The following OXR1 variants were observed in gnomAD, a reference collection of about 807,000 sequenced individuals.
OXR1 encodes the protein oxidation resistance protein 1.
OXR1 carries 41 observed loss-of-function variants against 104.6 expected under a neutral mutation model. The observed-to-expected ratio is 0.39, with a 90% confidence interval of 0.31 to 0.51. OXR1 has a LOEUF of 0.51. Ranked by LOEUF, OXR1 falls within the 20% of genes least tolerant of loss-of-function variation. The probability of loss-of-function intolerance (pLI) is 0.77; values close to 1 mark genes in which losing one functional copy is unlikely to be tolerated. For missense variants in OXR1, 955 were observed against 1,031.9 expected, an observed-to-expected ratio of 0.93 and a Z score of 1.02; for synonymous variants, 348 against 348.4, an observed-to-expected ratio of 1.00 and a Z score of 0.01.
intron 8 of OXR1, 41 bp from the exon 9 acceptor site, chr8:106,706,341 A>G (rs772876292): frequency 6.2e-6 from 9 of 1,443,526 alleles, no homozygotes; most frequent in African/African-American, 4.4e-5. Context: ...AAATACCACA[A>G]TTTTAAAAGT....
intron 3 of OXR1, among the ~76,000 whole-genome samples, chr8:106,649,213 AAAC>A (rs920232794): frequency 1.2e-4 from 18 of 152,162 alleles, no homozygotes; most frequent in South Asian, 8.3e-4. Flanking sequence ...TCAAACAAGA[AAAC>A]AACAACAACA....
At chr8:106,313,701 C>A (rs1352373084) in intron 1 of OXR1, among the ~76,000 whole-genome samples, 4 of 151,980 alleles carry the variant, frequency 2.6e-5, no homozygotes, top group Non-Finnish European at 5.9e-5. Flanking sequence ...TATATTATTT[C>A]TGTGGCAGGA....
chr8:106,671,716 G>C (rs1290006604), intron 3 of OXR1, among the ~76,000 whole-genome samples: 1 of 150,566 alleles, frequency 6.6e-6, no homozygotes, highest in Non-Finnish European at 1.5e-5. Flanking sequence ...ACTATCACAA[G>C]GACAGAAAAC....
At chr8:106,323,417 C>T (rs970868046) in intron 1 of OXR1, among the ~76,000 whole-genome samples, 1 of 152,112 alleles carries the variant, frequency 6.6e-6, no homozygotes, top group Non-Finnish European at 1.5e-5. Context: ...CCCTGGAAGA[C>T]AAACTAGGCA....
intron 3 of OXR1, among the ~76,000 whole-genome samples, chr8:106,587,767 G>T (rs905818118): frequency 2.6e-5 from 4 of 152,098 alleles, no homozygotes; most frequent in Admixed American, 6.5e-5. Flanking sequence ...TTTCTTAAGG[G>T]TATAGACTGG....
intron 3 of OXR1, among the ~76,000 whole-genome samples, chr8:106,635,203 C>T (rs930633370): frequency 6.6e-6 from 1 of 152,048 alleles, no homozygotes; most frequent in Non-Finnish European, 1.5e-5. Flanking sequence ...AATGAATGTC[C>T]AAATCTTTTA....
intron 1 of OXR1, among the ~76,000 whole-genome samples, chr8:106,350,615 G>T (rs940660888): frequency 6.6e-6 from 1 of 152,162 alleles, no homozygotes; most frequent in African/African-American, 2.4e-5. Flanking sequence ...TGTCTCCAAG[G>T]TTACCATCTG....
chr8:106,310,459 G>A (rs73701109), intron 1 of OXR1, among the ~76,000 whole-genome samples: 3,653 of 152,146 alleles, frequency 0.024, 54 homozygotes, highest in South Asian at 0.096. Flanking sequence ...TCCCTTCACT[G>A]TCATCCTGAC....
At chr8:106,389,990 C>T (rs753600036) in intron 2 of OXR1, among the ~76,000 whole-genome samples, 1 of 151,904 alleles carries the variant, frequency 6.6e-6, no homozygotes, top group African/African-American at 2.4e-5. Flanking sequence ...TGCTTGAACC[C>T]GGGAGGTAGA....
At chr8:106,693,370 G>A (rs563259157) in intron 7 of OXR1, among the ~76,000 whole-genome samples, 1 of 149,972 alleles carries the variant, frequency 6.7e-6, no homozygotes, top group South Asian at 2.1e-4. Context: ...CATAGGAAAG[G>A]TTAATAGGTC....
chr8:106,694,697 T>TTA (rs1829711490), intron 7 of OXR1, among the ~76,000 whole-genome samples: 1 of 109,402 alleles, frequency 9.1e-6, no homozygotes, highest in Non-Finnish European at 1.7e-5. Context: ...AAATATATGT[T>TTA]TATATATTTA....
chr8:106,587,824 G>T (rs533858638), intron 3 of OXR1, among the ~76,000 whole-genome samples: 63 of 152,276 alleles, frequency 4.1e-4, no homozygotes, highest in African/African-American at 1.5e-3. Context: ...TTGAGCTGTG[G>T]AAGAGGAAAA....
chr8:106,420,008 G>T (rs576834282), intron 2 of OXR1, among the ~76,000 whole-genome samples: 1 of 152,052 alleles, frequency 6.6e-6, no homozygotes, highest in African/African-American at 2.4e-5. Context: ...AGGAAGGAAA[G>T]CATTTTTATG....
chr8:106,515,895 A>T (rs1812826456), intron 2 of OXR1, among the ~76,000 whole-genome samples: 1 of 152,144 alleles, frequency 6.6e-6, no homozygotes, highest in Non-Finnish European at 1.5e-5. Context: ...AGCTTGCTTA[A>T]CTGTGAGATA....
chr8:106,578,983 C>CTTTTTTTTTTTTTTTTTTT (rs146593561), intron 3 of OXR1, among the ~76,000 whole-genome samples: 1 of 131,002 alleles, frequency 7.6e-6, no homozygotes, highest in Non-Finnish European at 1.6e-5. Context: ...CTCACTTTTT[C>CTTTTTTTTTTTTTTTTTTT]TTTCTTTTTT....
At chr8:106,415,579 G>GAGAGAGC (rs1554571057) in intron 2 of OXR1, among the ~76,000 whole-genome samples, 19,889 of 150,540 alleles carry the variant, frequency 0.13, 1,605 homozygotes, top group African/African-American at 0.23. Context: ...CTGAGAGAGA[G>GAGAGAGC]AGAGAGACAG....
At chr8:106,541,435 A>G (rs192545284) in intron 3 of OXR1, among the ~76,000 whole-genome samples, 1 of 152,316 alleles carries the variant, frequency 6.6e-6, no homozygotes, top group East Asian at 1.9e-4. Context: ...TGTTCTTCTT[A>G]GAAGCACTGT....
At chr8:106,515,225 T>C (rs1317656868) in intron 2 of OXR1, among the ~76,000 whole-genome samples, 3 of 152,082 alleles carry the variant, frequency 2.0e-5, no homozygotes, top group African/African-American at 4.8e-5. Context: ...ATTTATAGGG[T>C]ACAAAATGAT....
At chr8:106,464,332 G>A (rs992032790) in intron 2 of OXR1, among the ~76,000 whole-genome samples, 1 of 152,010 alleles carries the variant, frequency 6.6e-6, no homozygotes, top group Non-Finnish European at 1.5e-5. Flanking sequence ...AGTTAATGGA[G>A]TGAAGTCAAG....
Sources: allele counts gnomAD v4.1 joint callset (sites outside exome capture counted in the v4.1 genomes callset), GRCh38; gene constraint gnomAD v4.1.1; transcripts MANE v1.5; gene names NCBI Gene and HGNC (gene_info 2026-07-23, HGNC 2026-07-21).